Variants in BMP7 observed in about 807,000 individuals in gnomAD.
BMP7 encodes bone morphogenetic protein 7, also known as osteogenic protein 1.
A neutral mutation model predicts 41.2 loss-of-function variants in BMP7; 12 were observed. That is an observed-to-expected ratio of 0.29 (90% CI 0.19 to 0.47). The LOEUF is 0.47. Among genes scored for constraint, BMP7 ranks in the 20% least tolerant of loss-of-function variants. The pLI is 0.99. For synonymous variants in BMP7, 248 were observed against 250.0 expected (o/e 0.99, Z 0.07); for missense variants, 467 against 606.0 (o/e 0.77, Z 2.41).
At chr20:57,216,140 G>C (rs184829294) in intron 2 of BMP7, among the ~76,000 whole-genome samples, 2 of 152,092 alleles carry the variant, frequency 1.3e-5, no homozygotes, top group African/African-American at 2.4e-5. Flanking sequence ...AAGCCGGGGG[G>C]GTCCAGGAAG....
chr20:57,192,662 C>A (rs1984398308), intron 3 of BMP7, among the ~76,000 whole-genome samples: 1 of 150,964 alleles, frequency 6.6e-6, no homozygotes, highest in African/African-American at 2.4e-5. Flanking sequence ...ACCATAAAAT[C>A]TGTATCTTTG....
intron 3 of BMP7, among the ~76,000 whole-genome samples, chr20:57,196,908 A>T (rs1457238443): frequency 1.4e-5 from 2 of 148,140 alleles, no homozygotes; most frequent in Non-Finnish European, 3.0e-5. Flanking sequence ...TTTTAATTTA[A>T]TTTTTTTTTT....
chr20:57,246,448 C>T (rs2066090999), intron 1 of BMP7, among the ~76,000 whole-genome samples: 1 of 152,228 alleles, frequency 6.6e-6, no homozygotes, highest in South Asian at 2.1e-4. Flanking sequence ...ATGTGAGACT[C>T]TCCAATTAGC....
At chr20:57,239,691 T>A (rs1306680799) in intron 1 of BMP7, among the ~76,000 whole-genome samples, 4 of 152,246 alleles carry the variant, frequency 2.6e-5, no homozygotes, top group South Asian at 2.1e-4. Context: ...GGCATTTCCA[T>A]ACATTTTCTG....
At chr20:57,188,546 T>TAA (rs577598390) in intron 3 of BMP7, among the ~76,000 whole-genome samples, 41 of 117,530 alleles carry the variant, frequency 3.5e-4, no homozygotes, top group African/African-American at 8.9e-4. Context: ...GAGAATATAC[T>TAA]AAAAAAAAAA....
intron 2 of BMP7, among the ~76,000 whole-genome samples, chr20:57,204,026 G>A (rs1241441347): frequency 6.6e-6 from 1 of 152,190 alleles, no homozygotes; most frequent in African/African-American, 2.4e-5. Context: ...CTCAGGATCC[G>A]AAAGGTCAAG....
chr20:57,201,017 G>A (rs1984606063), intron 3 of BMP7, among the ~76,000 whole-genome samples: 1 of 152,146 alleles, frequency 6.6e-6, no homozygotes, highest in Non-Finnish European at 1.5e-5. Flanking sequence ...GTGTATTACA[G>A]TTAGGTCCTG....
intron 2 of BMP7, among the ~76,000 whole-genome samples, chr20:57,221,184 C>T (rs114345214): frequency 0.016 from 2,426 of 152,278 alleles, 56 homozygotes; most frequent in African/African-American, 0.056. Flanking sequence ...CTTCACTATG[C>T]AGCCCCACAC....
Position 57,241,539 on chromosome 20 carries a change from C to T in BMP7, c.419-13118G>A, listed in dbSNP as rs1215405639. ...CCTGTTCCTGAACTGCTTCAACTCT[C>T]GAACTTTCCACCAAATGCTTCAGCT... On this transcript the variant is annotated intron_variant, in intron 1 of 6. Transcript: ENST00000395863. Among the ~76,000 whole-genome samples, 6 of 152,204 alleles carry T rather than the reference C, an allele frequency of 3.9e-5. No homozygotes were observed. In the East Asian group the frequency reaches 5.8e-4, roughly 15 times the overall value.
chr20:57,233,887 T>C (rs73914181), intron 1 of BMP7, among the ~76,000 whole-genome samples: 2,875 of 152,294 alleles, frequency 0.019, 67 homozygotes, highest in African/African-American at 0.067. Context: ...ATATGTACAG[T>C]CGTACATCAT....
At chr20:57,252,643 G>C (rs964382017) in intron 1 of BMP7, among the ~76,000 whole-genome samples, 1 of 152,192 alleles carries the variant, frequency 6.6e-6, no homozygotes, top group Non-Finnish European at 1.5e-5. Context: ...CAGTCTCCAG[G>C]GTGTTTCAAA....
chr20:57,239,564 C>T (rs1411079768), intron 1 of BMP7, among the ~76,000 whole-genome samples: 1 of 152,236 alleles, frequency 6.6e-6, no homozygotes, highest in Non-Finnish European at 1.5e-5. Flanking sequence ...CACTATGCTG[C>T]ACCCCACTAG....
At chr20:57,210,387 A>G (rs1984850711) in intron 2 of BMP7, among the ~76,000 whole-genome samples, 1 of 152,134 alleles carries the variant, frequency 6.6e-6, no homozygotes, top group East Asian at 1.9e-4. Context: ...AAGTTCTACC[A>G]CAATGGAAAA....
chr20:57,246,521 G>A (rs2066091227), intron 1 of BMP7, among the ~76,000 whole-genome samples: 1 of 152,204 alleles, frequency 6.6e-6, no homozygotes, highest in South Asian at 2.1e-4. Flanking sequence ...TCAGGATCAA[G>A]TGTAAGAGGG....
At chr20:57,251,033 C>T (rs1481317622) in intron 1 of BMP7, among the ~76,000 whole-genome samples, 1 of 152,234 alleles carries the variant, frequency 6.6e-6, no homozygotes, top group East Asian at 1.9e-4. Context: ...ACCAGCAGCA[C>T]ATCCCACCAC....
intron 1 of BMP7, among the ~76,000 whole-genome samples, chr20:57,263,604 C>T (rs534589287): frequency 1.3e-5 from 2 of 152,274 alleles, no homozygotes; most frequent in African/African-American, 4.8e-5. Context: ...CAGCCAGGCT[C>T]TGAAGGCAGC....
Position 57,171,183 on chromosome 20 carries a change from A to G in BMP7, c.1147-75T>C. 1 of 1,594,970 alleles carries G rather than the reference A, an allele frequency of 6.3e-7. No individual in the cohort carries two copies. Among genetic ancestry groups the G allele is most frequent in the Non-Finnish European group, 8.6e-7 (1 of 1,164,358 alleles). On this transcript the variant is annotated intron_variant, in intron 6 of 6. Transcript: ENST00000395863. This position sits in a 1 kb window ranked among gnomAD's most constrained non-coding sequence, Gnocchi z 4.5. ...CTAACTGGCCTCCACGTTTCTATAA[A>G]GAAACATCCTGTCTGGGCATAATGA...
rs187181444 is a variant in BMP7 at position 57,189,099 on chromosome 20, C to T, written c.761-5180G>A. ...CCCAGGGGTGGGGAGGGGACAACTT[C>T]TTCCAACAGCTAGGTCTTTTTGTCC... On this transcript the variant is annotated intron_variant, in intron 3 of 6. Transcript: ENST00000395863. 2.9e-3 allele frequency among the ~76,000 whole-genome samples: 443 copies of T among 152,346 alleles called. 2 individuals carry two copies. The highest frequency in any genetic ancestry group is 0.01 in the African/African-American group (423 of 41,572).
At position 57,214,492 on chromosome 20, in the gene BMP7, A is replaced by G. The variant is rs1984966660; in HGVS notation, c.612-11869T>C. Among the ~76,000 whole-genome samples, 1 of 151,996 alleles carries G rather than the reference A, an allele frequency of 6.6e-6. No homozygotes were observed. Among genetic ancestry groups the G allele is most frequent in the Admixed American group, 6.6e-5 (1 of 15,264 alleles). ...ATTATTGTCAACTCCAGGTCATCCA[A>G]CCTGTAAGGCCCTGGATGGTCCGGC... On this transcript the variant is annotated intron_variant, in intron 2 of 6. Transcript: ENST00000395863. The surrounding 1 kb of genome is among the most constrained non-coding windows in gnomAD (Gnocchi z 4.0).
Sources: gnomAD v4.1 joint callset for allele counts (sites outside exome capture counted in the v4.1 genomes callset) on GRCh38, gnomAD v4.1.1 for gene constraint, Gnocchi (gnomAD v3.1) non-coding constraint, MANE v1.5 for transcripts, NCBI Gene and HGNC (gene_info 2026-07-23, HGNC 2026-07-21) for gene names.